MGMT: variants seen among roughly 807,000 people sequenced by gnomAD.
MGMT encodes the protein O-6-methylguanine-DNA methyltransferase.
Under a neutral mutation model 15.9 loss-of-function variants are expected in MGMT, and 14 were observed. The observed-to-expected ratio is 0.88, with a 90% CI of 0.58 to 1.37. The LOEUF (loss-of-function observed/expected upper bound fraction) is 1.37. Among genes scored for constraint, MGMT ranks in the 40% most tolerant of loss-of-function variants. The pLI is 0.00. For missense variants in MGMT, 282 were observed against 268.1 expected (o/e 1.05, Z -0.36); for synonymous variants, 130 against 118.2 (o/e 1.10, Z -0.65).
chr10:129,525,696 CTG>C (rs531919421), intron 1 of MGMT, among the ~76,000 whole-genome samples: 4 of 152,326 alleles, frequency 2.6e-5, no homozygotes, highest in African/African-American at 9.6e-5. Context: ...CCCTGGAAGT[CTG>C]TGCCTAAGCC....
rs114288811 is a variant in MGMT at position 129,650,813 on chromosome 10, G to A, written c.126-57082G>A. On this transcript the variant is annotated intron_variant, in intron 2 of 4. Coordinates refer to ENST00000651593, the MANE Select transcript of MGMT (RefSeq NM_002412.5). Reference sequence around the variant, plus strand: ...GGAGCCATGTCCTTGGTGAGGGCAGGAGGAATTTGTCACCCTTTCTCGATG... The same window carrying A: ...GGAGCCATGTCCTTGGTGAGGGCAGAAGGAATTTGTCACCCTTTCTCGATG... Among the ~76,000 whole-genome samples the A allele has an allele frequency of 9.2e-3, 1,403 of 152,310 alleles. 19 individuals carry two copies. The highest frequency in any genetic ancestry group is 0.032 in the African/African-American group (1,315 of 41,574).
At chr10:129,542,572 G>A (rs192873420) in intron 2 of MGMT, among the ~76,000 whole-genome samples, 8 of 152,186 alleles carry the variant, frequency 5.3e-5, no homozygotes, top group Middle Eastern at 6.8e-3. Flanking sequence ...CGGCAAGTTC[G>A]GCTGTCTCAT....
intron 1 of MGMT, among the ~76,000 whole-genome samples, chr10:129,478,161 CA>C (rs749171849): frequency 4.6e-5 from 7 of 152,108 alleles, no homozygotes; most frequent in Non-Finnish European, 8.8e-5. Flanking sequence ...GAGACCAGCT[CA>C]AATGCTGCCA....
At chr10:129,603,157 G>A (rs1256010947) in intron 2 of MGMT, among the ~76,000 whole-genome samples, 4 of 152,196 alleles carry the variant, frequency 2.6e-5, no homozygotes, top group Non-Finnish European at 5.9e-5. Flanking sequence ...TAAGTGACAA[G>A]AACCAAAATA....
intron 3 of MGMT, among the ~76,000 whole-genome samples, chr10:129,751,550 GGTT>G (rs148643737): frequency 0.032 from 4,909 of 151,498 alleles, 271 homozygotes; most frequent in African/African-American, 0.11. Flanking sequence ...TTTCCTTTCT[GGTT>G]GTTTTGAGTT....
chr10:129,701,183 G>A (rs1483704410), intron 2 of MGMT: 2 of 152,200 alleles, frequency 1.3e-5, no homozygotes, highest in African/African-American at 2.4e-5. Flanking sequence ...GTCCAAGCTC[G>A]GCACCTTGCC....
At chr10:129,660,786 ACACACACACACACG>A (rs1847587672) in intron 2 of MGMT, among the ~76,000 whole-genome samples, 1 of 151,674 alleles carries the variant, frequency 6.6e-6, no homozygotes, top group South Asian at 2.1e-4. Flanking sequence ...ACACACACAC[ACACACACACACACG>A]CACACACATG....
chr10:129,501,529 G>GCTTA (rs774804211), intron 1 of MGMT, among the ~76,000 whole-genome samples: 41 of 152,158 alleles, frequency 2.7e-4, no homozygotes, highest in Non-Finnish European at 4.1e-4. Flanking sequence ...TTTTTATAGT[G>GCTTA]CTTACTCCTT....
chr10:129,646,748 A>ATTTTTTT (rs1229950159), intron 2 of MGMT, among the ~76,000 whole-genome samples: 4 of 63,644 alleles, frequency 6.3e-5, no homozygotes, highest in Non-Finnish European at 7.1e-5. Flanking sequence ...ATATATATAT[A>ATTTTTTT]TATATATTTT....
intron 4 of MGMT, among the ~76,000 whole-genome samples, chr10:129,760,889 C>A (rs978620040): frequency 6.6e-6 from 1 of 152,190 alleles, no homozygotes; most frequent in East Asian, 1.9e-4. Flanking sequence ...CTTCCTTTTG[C>A]ACCTGTTGCA....
At chr10:129,721,608 A>G (rs1175261192) in intron 3 of MGMT, among the ~76,000 whole-genome samples, 2 of 152,224 alleles carry the variant, frequency 1.3e-5, no homozygotes, top group Non-Finnish European at 2.9e-5. Flanking sequence ...AGGAAAACAT[A>G]TGACAACAAT....
chr10:129,503,724 G>T (rs901046224), intron 1 of MGMT, among the ~76,000 whole-genome samples: 2 of 152,096 alleles, frequency 1.3e-5, no homozygotes, highest in African/African-American at 2.4e-5. Flanking sequence ...GCTGTTTCTG[G>T]CTTCAGCTTT....
chr10:129,569,251 A>C (rs1324983204), intron 2 of MGMT, among the ~76,000 whole-genome samples: 1 of 151,910 alleles, frequency 6.6e-6, no homozygotes, highest in Non-Finnish European at 1.5e-5. Flanking sequence ...TCCGGCGCAC[A>C]GATGCTGAAG....
intron 2 of MGMT, among the ~76,000 whole-genome samples, chr10:129,683,237 G>A (rs946971682): frequency 1.3e-5 from 2 of 152,216 alleles, no homozygotes; most frequent in African/African-American, 2.4e-5. Flanking sequence ...CCCATTTCCA[G>A]TGCAAGTGCC....
At chr10:129,572,176 C>G (rs1846427753) in intron 2 of MGMT, among the ~76,000 whole-genome samples, 1 of 152,038 alleles carries the variant, frequency 6.6e-6, no homozygotes, top group South Asian at 2.1e-4. Context: ...TTGATGTTAC[C>G]TCCAGTTGAA....
At chr10:129,683,492 T>A (rs1411814916) in intron 2 of MGMT, among the ~76,000 whole-genome samples, 1 of 152,170 alleles carries the variant, frequency 6.6e-6, no homozygotes, top group African/African-American at 2.4e-5. Context: ...TCCATACACA[T>A]GGCAGCTTTT....
chr10:129,514,570 A>G (rs562333017), intron 1 of MGMT, among the ~76,000 whole-genome samples: 20 of 152,220 alleles, frequency 1.3e-4, no homozygotes, highest in Non-Finnish European at 2.6e-4. Flanking sequence ...TACAGTGAGT[A>G]CTATGGTCCA....
At chr10:129,666,502 C>T (rs1847660615) in intron 2 of MGMT, among the ~76,000 whole-genome samples, 1 of 151,862 alleles carries the variant, frequency 6.6e-6, no homozygotes, top group Non-Finnish European at 1.5e-5. Context: ...TAAGTTTAGC[C>T]ATATATATTT....
At chr10:129,726,357 C>T (rs143531555) in intron 3 of MGMT, among the ~76,000 whole-genome samples, 55 of 152,188 alleles carry the variant, frequency 3.6e-4, no homozygotes, top group Non-Finnish European at 6.0e-4. Flanking sequence ...GGAGTCCAGG[C>T]GAGACTTGTC....
Sources: gnomAD v4.1 joint callset for allele counts (sites outside exome capture counted in the v4.1 genomes callset) on GRCh38, gnomAD v4.1.1 for gene constraint, MANE v1.5 for transcripts, NCBI Gene and HGNC (gene_info 2026-07-23, HGNC 2026-07-21) for gene names.